Variants in CRACD observed in about 807,000 individuals in gnomAD.
CRACD encodes capping protein-inhibiting regulator of actin dynamics.
A neutral mutation model predicts 106.8 loss-of-function variants in CRACD; 56 were observed. That is an observed-to-expected ratio of 0.52 (90% CI 0.42 to 0.66). The LOEUF (loss-of-function observed/expected upper bound fraction) is 0.66. Ranked by LOEUF, CRACD falls within the 30% of genes least tolerant of loss-of-function variation. CRACD has a pLI of 0.00. For missense variants in CRACD, 1,730 were observed against 1,623.2 expected, an observed-to-expected ratio of 1.07 and a Z score of -1.13; for synonymous variants, 754 against 670.8, an observed-to-expected ratio of 1.12 and a Z score of -1.92.
intron 1 of CRACD, among the ~76,000 whole-genome samples, chr4:56,139,326 C>T (rs1229145065): frequency 6.6e-6 from 1 of 150,970 alleles, no homozygotes; most frequent in Non-Finnish European, 1.5e-5. Flanking sequence ...TTCCTCTCTT[C>T]CTCTCTCTTT....
intron 1 of CRACD, among the ~76,000 whole-genome samples, chr4:56,092,017 T>A (rs1733438772): frequency 6.6e-6 from 1 of 152,142 alleles, no homozygotes; most frequent in African/African-American, 2.4e-5. Flanking sequence ...ACCTTGTCTC[T>A]ATAAAAAGAA....
At chr4:56,138,184 C>T (rs1735070783) in intron 1 of CRACD, among the ~76,000 whole-genome samples, 1 of 152,180 alleles carries the variant, frequency 6.6e-6, no homozygotes, top group East Asian at 1.9e-4. Context: ...TTAAATCTGG[C>T]TGGGTGTGTT....
intron 1 of CRACD, among the ~76,000 whole-genome samples, chr4:56,146,360 G>A (rs1208211257): frequency 4.0e-5 from 6 of 150,944 alleles, no homozygotes; most frequent in East Asian, 1.9e-4. Context: ...ATTTTTGCCC[G>A]GTATTTTGTT....
intron 1 of CRACD, chr4:56,097,270 C>T (rs1302348867): frequency 6.6e-6 from 1 of 152,348 alleles, no homozygotes; most frequent in African/African-American, 2.4e-5. Context: ...GGGTGAGGTA[C>T]AAAATAGTTT....
At chr4:56,088,304 C>A (rs969301343) in intron 1 of CRACD, among the ~76,000 whole-genome samples, 6 of 152,068 alleles carry the variant, frequency 3.9e-5, no homozygotes, top group Non-Finnish European at 8.8e-5. Flanking sequence ...ACTGGGGCCA[C>A]CCTCAAGTAG....
chr4:56,163,792 C>T (rs73155137), intron 1 of CRACD, among the ~76,000 whole-genome samples: 8,785 of 151,920 alleles, frequency 0.058, 434 homozygotes, highest in African/African-American at 0.12. Flanking sequence ...GTCTCCCAAA[C>T]TGCAGTGCCA....
intron 2 of CRACD, among the ~76,000 whole-genome samples, chr4:56,194,021 G>A (rs1213969048): frequency 6.6e-5 from 10 of 151,996 alleles, no homozygotes; most frequent in Non-Finnish European, 1.3e-4. Context: ...AGCATAGGTA[G>A]GCATAAAATG....
At chr4:56,284,662 T>C (rs1327985332) in intron 3 of CRACD, among the ~76,000 whole-genome samples, 1 of 152,098 alleles carries the variant, frequency 6.6e-6, no homozygotes, top group Non-Finnish European at 1.5e-5. Flanking sequence ...AAGATGGAGG[T>C]TGCAGTGAGC....
intron 2 of CRACD, among the ~76,000 whole-genome samples, chr4:56,227,951 C>G (rs1281057572): frequency 6.6e-6 from 1 of 152,084 alleles, no homozygotes; most frequent in East Asian, 1.9e-4. Context: ...TAGTTTAGAC[C>G]TGGCTCAGTA....
intron 1 of CRACD, among the ~76,000 whole-genome samples, chr4:56,159,490 A>G (rs1256980573): frequency 2.6e-5 from 4 of 152,122 alleles, no homozygotes; most frequent in Non-Finnish European, 5.9e-5. Flanking sequence ...TCTACTAAAA[A>G]TACAAAACAA....
intron 2 of CRACD, among the ~76,000 whole-genome samples, chr4:56,252,159 C>G (rs1256331343): frequency 6.6e-6 from 1 of 152,186 alleles, no homozygotes; most frequent in East Asian, 1.9e-4. Context: ...ATTTGAAGAA[C>G]ACCGGCCTTA....
intron 2 of CRACD, among the ~76,000 whole-genome samples, chr4:56,260,334 G>C (rs2109613169): frequency 6.6e-6 from 1 of 152,270 alleles, no homozygotes; most frequent in East Asian, 1.9e-4. Flanking sequence ...ATCCTCTTCT[G>C]GGGGAACGGG....
intron 2 of CRACD, among the ~76,000 whole-genome samples, chr4:56,258,562 A>G (rs1741507710): frequency 6.6e-6 from 1 of 152,210 alleles, no homozygotes; most frequent in Admixed American, 6.5e-5. Context: ...TGAGGGAGAG[A>G]AAACTCAGGC....
At chr4:56,197,064 A>G (rs1039663557) in intron 2 of CRACD, among the ~76,000 whole-genome samples, 5 of 152,222 alleles carry the variant, frequency 3.3e-5, no homozygotes. Flanking sequence ...TTTAGTTAAC[A>G]TCATCCTTCA....
At chr4:56,319,034 G>A (rs565360616) in intron 8 of CRACD, among the ~76,000 whole-genome samples, 1 of 152,224 alleles carries the variant, frequency 6.6e-6, no homozygotes, top group South Asian at 2.1e-4. Context: ...CGTATTATTA[G>A]TAGTATATTG....
intron 1 of CRACD, among the ~76,000 whole-genome samples, chr4:56,053,524 T>C (rs1451233091): frequency 6.6e-6 from 1 of 152,162 alleles, no homozygotes. Flanking sequence ...ACTTTTTTTT[T>C]ACATTTATAT....
chr4:56,247,250 T>C (rs970444116), intron 2 of CRACD, among the ~76,000 whole-genome samples: 6 of 151,536 alleles, frequency 4.0e-5, no homozygotes, highest in African/African-American at 1.5e-4. Context: ...AGACTGTATC[T>C]TTTGAAGCTC....
At chr4:56,221,065 G>A (rs1739004539) in intron 2 of CRACD, among the ~76,000 whole-genome samples, 1 of 152,164 alleles carries the variant, frequency 6.6e-6, no homozygotes, top group African/African-American at 2.4e-5. Context: ...CCTGGAAAGA[G>A]GGTAGGTTAG....
At chr4:56,291,198 T>C (rs1036139797) in intron 3 of CRACD, among the ~76,000 whole-genome samples, 6 of 152,204 alleles carry the variant, frequency 3.9e-5, no homozygotes, top group Non-Finnish European at 7.3e-5. Flanking sequence ...AGTTGCAGCA[T>C]TGAAGCTGAA....
Sources: gnomAD v4.1 joint callset for allele counts (sites outside exome capture counted in the v4.1 genomes callset) on GRCh38, gnomAD v4.1.1 for gene constraint, MANE v1.5 for transcripts, NCBI Gene and HGNC (gene_info 2026-07-23, HGNC 2026-07-21) for gene names.